The following SEMA3E variants were observed in gnomAD, a reference collection of about 807,000 sequenced individuals.
SEMA3E encodes semaphorin-3E.
Under a neutral mutation model 93.6 loss-of-function variants are expected in SEMA3E, and 49 were observed. The observed-to-expected ratio is 0.52, with a 90% CI of 0.42 to 0.66. The LOEUF is 0.66. Among genes scored for constraint, SEMA3E ranks in the 30% least tolerant of loss-of-function variants. The probability of loss-of-function intolerance (pLI) is 0.00; values close to 1 mark genes in which losing one functional copy is unlikely to be tolerated. For missense variants in SEMA3E, 906 were observed against 964.8 expected, an observed-to-expected ratio of 0.94 and a Z score of 0.81; for synonymous variants, 363 against 330.7, an observed-to-expected ratio of 1.10 and a Z score of -1.06.
intron 10 of SEMA3E, among the ~76,000 whole-genome samples, chr7:83,401,248 G>A (rs2245852): frequency 0.88 from 133,237 of 152,058 alleles, 61,058 homozygotes; most frequent in East Asian, 1. Context: ...CTGCTCCCTC[G>A]TTTTACATAT....
At chr7:83,570,622 C>T (rs944211387) in intron 1 of SEMA3E, among the ~76,000 whole-genome samples, 1 of 140,956 alleles carries the variant, frequency 7.1e-6, no homozygotes, top group African/African-American at 2.7e-5. Context: ...CCTAGAGGAA[C>T]TAGGAAAAAA....
chr7:83,608,859 CA>C (rs963179338), intron 1 of SEMA3E, among the ~76,000 whole-genome samples: 1 of 151,956 alleles, frequency 6.6e-6, no homozygotes, highest in African/African-American at 2.4e-5. Flanking sequence ...GGTAAAATCC[CA>C]AGTCTCATTG....
At chr7:83,450,949 T>C (rs1223025630) in intron 4 of SEMA3E, among the ~76,000 whole-genome samples, 1 of 152,146 alleles carries the variant, frequency 6.6e-6, no homozygotes, top group Non-Finnish European at 1.5e-5. Context: ...CCCACCCTAA[T>C]CTCATCTTGA....
intron 1 of SEMA3E, among the ~76,000 whole-genome samples, chr7:83,585,512 G>GATA (rs1427332147): frequency 1.3e-5 from 2 of 152,088 alleles, no homozygotes; most frequent in African/African-American, 4.8e-5. Context: ...GTATTAAAGA[G>GATA]ATAAAATATT....
chr7:83,398,511 A>G (rs1038755338), intron 11 of SEMA3E, among the ~76,000 whole-genome samples: 9 of 152,238 alleles, frequency 5.9e-5, no homozygotes, highest in African/African-American at 1.9e-4. Context: ...ATCTGATGAC[A>G]CCGTTAATCA....
intron 1 of SEMA3E, among the ~76,000 whole-genome samples, chr7:83,643,566 A>C (rs1320149737): frequency 6.6e-6 from 1 of 151,950 alleles, no homozygotes; most frequent in Non-Finnish European, 1.5e-5. Flanking sequence ...TCATAGAAAC[A>C]TTTGGGGACT....
chr7:83,538,828 T>C (rs969457280), intron 1 of SEMA3E, among the ~76,000 whole-genome samples: 2 of 152,200 alleles, frequency 1.3e-5, no homozygotes, highest in African/African-American at 4.8e-5. Flanking sequence ...ATAAACCTTT[T>C]CAGGAGCCAT....
rs148367133 is a variant in SEMA3E, at chr7:83,551,500, G to A, written c.116-61226C>T. On this transcript the variant is annotated intron_variant, in intron 1 of 16. Coordinates refer to ENST00000643230, the MANE Select transcript of SEMA3E (RefSeq NM_012431.3). ...TGATAAATATAAAATTCAAGATAGT[G>A]ATACCCCTTGAAAGGAATGAGGAGG... is the stretch of plus-strand genomic sequence containing the variant. Among the ~76,000 whole-genome samples the A allele has an allele frequency of 2.8e-3, 425 of 152,222 alleles. 1 individual carries two copies. Among genetic ancestry groups the A allele is most frequent in the Non-Finnish European group, 4.8e-3 (329 of 68,012 alleles).
At chr7:83,413,858 T>C (rs1562771258) in intron 5 of SEMA3E, among the ~76,000 whole-genome samples, 1 of 152,198 alleles carries the variant, frequency 6.6e-6, no homozygotes, top group South Asian at 2.1e-4. Context: ...ACCAATGATA[T>C]TGATACCATG....
At chr7:83,427,337 T>C (rs1342142410) in intron 4 of SEMA3E, among the ~76,000 whole-genome samples, 2 of 152,184 alleles carry the variant, frequency 1.3e-5, no homozygotes, top group Non-Finnish European at 2.9e-5. Context: ...CATTGATCTT[T>C]TGTTCCATGG....
intron 2 of SEMA3E, among the ~76,000 whole-genome samples, chr7:83,485,875 G>GT (rs1383922370): frequency 6.6e-6 from 1 of 151,946 alleles, no homozygotes; most frequent in African/African-American, 2.4e-5. Flanking sequence ...TCTAATGAAT[G>GT]TATGTTATGT....
chr7:83,625,209 C>A (rs906347393), intron 1 of SEMA3E, among the ~76,000 whole-genome samples: 2 of 152,104 alleles, frequency 1.3e-5, no homozygotes, highest in South Asian at 2.1e-4. Flanking sequence ...GCTATATGGG[C>A]TCTTTTTGGT....
intron 1 of SEMA3E, among the ~76,000 whole-genome samples, chr7:83,630,005 GCA>G (rs1271088740): frequency 6.6e-6 from 1 of 152,164 alleles, no homozygotes; most frequent in Non-Finnish European, 1.5e-5. Context: ...ATCCCTCACA[GCA>G]CAGTCTCTCA....
rs561002479 is a variant in SEMA3E, at chr7:83,451,920, A to G, written c.456+14562T>C. Among the ~76,000 whole-genome samples, 13 of 152,336 alleles carry G rather than the reference A, an allele frequency of 8.5e-5. No individual in the cohort carries two copies. In the South Asian group the frequency reaches 2.3e-3, roughly 27 times the overall value. ...AAGAGACATGAATGCTTGCTGGGTCACAATTATGAGAAGCTCATTTGCCCT... is the reference window on the plus strand; with the variant it reads ...AAGAGACATGAATGCTTGCTGGGTCGCAATTATGAGAAGCTCATTTGCCCT... On this transcript the variant is annotated intron_variant, in intron 4 of 16. Transcript: ENST00000643230.
chr7:83,396,092 TATATATGCACAC>T (rs2115597882), intron 12 of SEMA3E, among the ~76,000 whole-genome samples: 2 of 151,554 alleles, frequency 1.3e-5, no homozygotes, highest in African/African-American at 4.8e-5. Flanking sequence ...TGTGCATTTA[TATATATGCACAC>T]ATATATATGT....
intron 1 of SEMA3E, among the ~76,000 whole-genome samples, chr7:83,570,358 C>G (rs1208496344): frequency 6.6e-6 from 1 of 150,546 alleles, no homozygotes; most frequent in South Asian, 2.1e-4. Context: ...TCGAGACCAT[C>G]CCGGCTAAAA....
rs562467766 is a variant in SEMA3E at position 83,578,511 on chromosome 7, G to T, written c.115+69917C>A. ...GCGGAGGTTGCAGTGAGCTAAGATC[G>T]TGCTTCTACACTCCAGCCTAGGCAA... On this transcript the variant is annotated intron_variant, in intron 1 of 16. Coordinates refer to ENST00000643230, the MANE Select transcript of SEMA3E (RefSeq NM_012431.3). 2.4e-4 allele frequency among the ~76,000 whole-genome samples: 36 copies of T among 152,062 alleles called. No individual in the cohort carries two copies. In the South Asian group the frequency reaches 7.3e-3, roughly 31 times the overall value.
At chr7:83,640,486 C>T (rs1245194049) in intron 1 of SEMA3E, among the ~76,000 whole-genome samples, 2 of 152,136 alleles carry the variant, frequency 1.3e-5, no homozygotes, top group Non-Finnish European at 2.9e-5. Flanking sequence ...GCATCAGCTT[C>T]CCAGCGGAAA....
intron 1 of SEMA3E, among the ~76,000 whole-genome samples, chr7:83,548,008 C>T (rs1026135011): frequency 1.3e-5 from 2 of 152,096 alleles, no homozygotes; most frequent in African/African-American, 2.4e-5. Flanking sequence ...AGTAGAATAT[C>T]CTCTTCCATA....
Sources: gnomAD v4.1 joint callset for allele counts (sites outside exome capture counted in the v4.1 genomes callset) on GRCh38, gnomAD v4.1.1 for gene constraint, MANE v1.5 for transcripts, NCBI Gene and HGNC (gene_info 2026-07-23, HGNC 2026-07-21) for gene names.